The following SLC6A3 variants were observed in gnomAD, a reference collection of about 807,000 sequenced individuals.
The protein encoded by SLC6A3 is solute carrier family 6 member 3.
In SLC6A3, 19 loss-of-function variants were observed where a neutral mutation model predicts 70.4. The ratio of observed to expected loss-of-function variants is 0.27; its 90% CI spans 0.19 to 0.40. SLC6A3 has a LOEUF of 0.40. SLC6A3 is among the 10% of genes least tolerant of loss of function. The pLI is 1.00. For synonymous variants in SLC6A3, 368 were observed against 356.6 expected, an observed-to-expected ratio of 1.03 and a Z score of -0.36; for missense variants, 613 against 838.5, an observed-to-expected ratio of 0.73 and a Z score of 3.32.
In SLC6A3 at chr5:1,408,295, G is replaced by A. The variant is rs1482156910; in HGVS notation, c.1498+731C>T. Among the ~76,000 whole-genome samples the A allele has an allele frequency of 6.6e-6, 1 of 150,642 alleles. No homozygotes were observed. Among genetic ancestry groups the A allele is most frequent in the Non-Finnish European group, 1.5e-5 (1 of 67,836 alleles). On this transcript the variant is annotated intron_variant, in intron 11 of 14. Coordinates refer to ENST00000270349, the MANE Select transcript of SLC6A3 (RefSeq NM_001044.5). This position sits in a 1 kb window ranked among gnomAD's most constrained non-coding sequence, Gnocchi z 6.4. The stretch of plus-strand genomic sequence containing the variant: ...TTGATCTCGTGATCTGCCCACCTCG[G>A]CCTCCCAAAGTGCTGGGATTACAGG...
In SLC6A3 at chr5:1,437,166, G is replaced by A. The variant is rs1435891971; in HGVS notation, c.418+4193C>T. On this transcript the variant is annotated intron_variant, in intron 3 of 14. Coordinates refer to ENST00000270349, the MANE Select transcript of SLC6A3 (RefSeq NM_001044.5). The surrounding 1 kb of genome is among the most constrained non-coding windows in gnomAD (Gnocchi z 4.8). ...CTCGGGAGGCTGGGGCAGGAGAATCGCTTGAACCCGGGACGCGCAGGTGAC... is the reference window on the plus strand; with the variant it reads ...CTCGGGAGGCTGGGGCAGGAGAATCACTTGAACCCGGGACGCGCAGGTGAC... 2.0e-5 allele frequency among the ~76,000 whole-genome samples: 3 copies of A among 151,556 alleles called. No individual in the cohort carries two copies. The highest frequency in any genetic ancestry group is 7.3e-5 in the African/African-American group (3 of 41,226).
In SLC6A3 at chr5:1,414,491, T is replaced by TGGGTGGGGGGCCCCGGGAGGGG. The variant is rs1756221322; in HGVS notation, c.1156+199_1156+200insCCCCTCCCGGGGCCCCCCACCC. On this transcript the variant is annotated intron_variant, in intron 8 of 14. Transcript: ENST00000270349. ...GGCGCTGGGTGGGGGGCCTGGAGGG[T>TGGGTGGGGGGCCCCGGGAGGGG]CAGGGCGGGGAAGGCGCTGGGTGGG... Among the ~76,000 whole-genome samples, 6 of 28,856 alleles carry TGGGTGGGGGGCCCCGGGAGGGG rather than the reference T, an allele frequency of 2.1e-4. 1 individual carries two copies. Among genetic ancestry groups the TGGGTGGGGGGCCCCGGGAGGGG allele is most frequent in the South Asian group, 2.5e-3 (2 of 800 alleles). 18.9% of individuals were successfully genotyped at this position (28,856 alleles called of 152,430 possible). A position where few individuals can be genotyped will look rare whatever the true frequency, so the allele number is the denominator to read the frequency against.
chr5:1,436,727 G>A lies in SLC6A3; in HGVS notation c.419-4029C>T, dbSNP rs531514705. 3.9e-5 allele frequency among the ~76,000 whole-genome samples: 6 copies of A among 152,312 alleles called. No homozygotes were observed. The highest frequency in any genetic ancestry group is 7.2e-5 in the African/African-American group (3 of 41,572). ...TGGGGTTGCCCTTGGCAATGAAACC[G>A]AAACCTGACAAACAGAAGCTGGCTG... On this transcript the variant is annotated intron_variant, in intron 3 of 14. Coordinates refer to ENST00000270349, the MANE Select transcript of SLC6A3 (RefSeq NM_001044.5). This position sits in a 1 kb window ranked among gnomAD's most constrained non-coding sequence, Gnocchi z 5.2.
intron 1 of SLC6A3, among the ~76,000 whole-genome samples, chr5:1,444,391 CACAT>C (rs770177621): frequency 2.0e-5 from 3 of 151,524 alleles, no homozygotes; most frequent in East Asian, 3.9e-4. Flanking sequence ...CTCACAAACA[CACAT>C]ACACACTCAC....
Position 1,413,310 on chromosome 5 carries a change from T to G in SLC6A3, c.1156+1381A>C, listed in dbSNP as rs552328190. Among the ~76,000 whole-genome samples the G allele has an allele frequency of 6.6e-6, 1 of 152,320 alleles. No homozygotes were observed. The highest frequency in any genetic ancestry group is 2.1e-4 in the South Asian group (1 of 4,818). On this transcript the variant is annotated intron_variant, in intron 8 of 14. Transcript: ENST00000270349. The surrounding 1 kb of genome is among the most constrained non-coding windows in gnomAD (Gnocchi z 7.1). ...TTTTCCTAGTGGAAAGAACATGGGC[T>G]TAGGAGGCCCACCTCTGAGCTGTGG... is the stretch of plus-strand genomic sequence containing the variant.
In SLC6A3 at chr5:1,434,193, C is replaced by T. The variant is rs151006226; in HGVS notation, c.419-1495G>A. ...GACCATCCAGGGTTTCCTAGAATCA[C>T]CCAGGGCCACGTAAGACCACCAGGG... On this transcript the variant is annotated intron_variant, in intron 3 of 14. Transcript: ENST00000270349. Among the ~76,000 whole-genome samples the T allele has an allele frequency of 1.9e-3, 284 of 152,312 alleles. 2 individuals are homozygous for T. Among genetic ancestry groups the T allele is most frequent in the African/African-American group, 6.3e-3 (260 of 41,566 alleles).
At chr5:1,433,999 C>G (rs564041930) in intron 3 of SLC6A3, among the ~76,000 whole-genome samples, 1 of 152,272 alleles carries the variant, frequency 6.6e-6, no homozygotes, top group African/African-American at 2.4e-5. Context: ...CTACGGCCAC[C>G]CATGGCCATC....
chr5:1,420,808 G>T, intron 5 of SLC6A3, 105 bp from the exon 6 acceptor site: 1 of 1,230,376 alleles, frequency 8.1e-7, no homozygotes, highest in Non-Finnish European at 1.2e-6. Flanking sequence ...TCCTCTGATT[G>T]GGAGGCCCAA....
rs906195194 is a variant in SLC6A3 at position 1,401,280 on chromosome 5, C to T, written c.1768-294G>A. Reference sequence around the variant, plus strand: ...TTTGAGCACTCGCTTGAAAATAAAACGTGGTCCTGGAGATGGCTCTTGAGT... The same window carrying T: ...TTTGAGCACTCGCTTGAAAATAAAATGTGGTCCTGGAGATGGCTCTTGAGT... On this transcript the variant is annotated intron_variant, in intron 13 of 14. Transcript: ENST00000270349. This position sits in a 1 kb window ranked among gnomAD's most constrained non-coding sequence, Gnocchi z 6.1. The T allele has an allele frequency of 3.2e-6, 2 of 622,578 alleles. No homozygotes were observed. Among genetic ancestry groups the T allele is most frequent in the South Asian group, 1.5e-5 (1 of 65,998 alleles). The allele number at this position is 622,578 out of a possible 1,614,324, so 38.6% of individuals were successfully genotyped here.
Position 1,404,059 on chromosome 5 carries a change from A to G in SLC6A3, c.1600-970T>C, listed in dbSNP as rs900551438. Among the ~76,000 whole-genome samples, 1 of 152,238 alleles carries G rather than the reference A, an allele frequency of 6.6e-6. No homozygotes were observed. Among genetic ancestry groups the G allele is most frequent in the Admixed American group, 6.5e-5 (1 of 15,284 alleles). ...TGGTTTATGATGTAGCTTAAAATGC[A>G]ATTTTTTCCCAATTGTCCACTTTTC... On this transcript the variant is annotated intron_variant, in intron 12 of 14. Coordinates refer to ENST00000270349, the MANE Select transcript of SLC6A3 (RefSeq NM_001044.5). This position sits in a 1 kb window ranked among gnomAD's most constrained non-coding sequence, Gnocchi z 5.2.
chr5:1,428,652 G>A (rs567742140), intron 4 of SLC6A3, among the ~76,000 whole-genome samples: 116 of 152,310 alleles, frequency 7.6e-4, no homozygotes, highest in Non-Finnish European at 1.4e-3. Flanking sequence ...TGGGACCCCT[G>A]GGGGCCAGGG....
rs573709341 is a variant in SLC6A3 at position 1,406,062 on chromosome 5, C to T, written c.1599+126G>A. On this transcript the variant is annotated intron_variant, in intron 12 of 14. Transcript: ENST00000270349. The surrounding 1 kb of genome is among the most constrained non-coding windows in gnomAD (Gnocchi z 8.8). ...CAGGGATCAGCCTGTCCTTCTGGGC[C>T]GAGTCTTGAGGCCCCTGACTCCAGC... The T allele has an allele frequency of 6.0e-5, 45 of 745,282 alleles. 1 individual carries two copies. The highest frequency in any genetic ancestry group is 3.8e-4 in the African/African-American group (22 of 58,308). The allele number at this position is 745,282 out of a possible 1,614,324, so 46.2% of individuals were successfully genotyped here.
chr5:1,445,409 TC>T lies in SLC6A3; in HGVS notation c.-108del. 6.1e-6 allele frequency: 1 copy of T among 164,216 alleles called. No homozygotes were observed. Among genetic ancestry groups the T allele is most frequent in the Non-Finnish European group, 1.3e-5 (1 of 75,736 alleles). The allele number at this position is 164,216 out of a possible 1,614,324, so 10.2% of individuals were successfully genotyped here. Reference sequence around the variant, plus strand: ...GGCGCCGAGAGCGTTCCGCGAAGCCTCCCCTCCCGCTCCGCAGCGCTGGGCG... The same window carrying T: ...GGCGCCGAGAGCGTTCCGCGAAGCCTCCCTCCCGCTCCGCAGCGCTGGGCG... On this transcript the variant is annotated 5_prime_UTR_variant, in exon 1 of 15. Coordinates refer to ENST00000270349, the MANE Select transcript of SLC6A3 (RefSeq NM_001044.5).
At position 1,442,288 on chromosome 5, in the gene SLC6A3, C is replaced by A. The variant is rs1001623428; in HGVS notation, c.286+624G>T. Among the ~76,000 whole-genome samples, 6 of 152,176 alleles carry A rather than the reference C, an allele frequency of 3.9e-5. No individual in the cohort carries two copies. The highest frequency in any genetic ancestry group is 1.4e-4 in the African/African-American group (6 of 41,442). On this transcript the variant is annotated intron_variant, in intron 2 of 14. Coordinates refer to ENST00000270349, the MANE Select transcript of SLC6A3 (RefSeq NM_001044.5). The surrounding 1 kb of genome is among the most constrained non-coding windows in gnomAD (Gnocchi z 5.0). Reference sequence around the variant, plus strand: ...CCTCGCAGGCATCCTGTGAGGCTTCCCCCCAGATTCTTCCCCAGGCCTCCC... The same window carrying A: ...CCTCGCAGGCATCCTGTGAGGCTTCACCCCAGATTCTTCCCCAGGCCTCCC...
rs1424246042 is a variant in SLC6A3, at chr5:1,422,403, G to A, written c.654-389C>T. On this transcript the variant is annotated intron_variant, in intron 4 of 14. Coordinates refer to ENST00000270349, the MANE Select transcript of SLC6A3 (RefSeq NM_001044.5). ...CTGCCCAAGGTGCTGGGTGCCCACCGCTGCCCACGGTGCTGCCCACGCTGC... is the reference window on the plus strand; with the variant it reads ...CTGCCCAAGGTGCTGGGTGCCCACCACTGCCCACGGTGCTGCCCACGCTGC... 9.0e-3 allele frequency among the ~76,000 whole-genome samples: 1,231 copies of A among 136,298 alleles called. 67 individuals carry two copies. The highest frequency in any genetic ancestry group is 0.032 in the African/African-American group (1,082 of 33,438). The allele number at this position is 136,298 out of a possible 152,430, so 89.4% of individuals were successfully genotyped here. A position where few individuals can be genotyped will look rare whatever the true frequency, so the allele number is the denominator to read the frequency against.
chr5:1,437,691 T>C lies in SLC6A3; in HGVS notation c.418+3668A>G, dbSNP rs192773997. ...GCCCTCTGGCTTTCAAGGGTGGATC[T>C]TGGCTCCCAGTTAGGAGCAGGGAGC... is the stretch of plus-strand genomic sequence containing the variant. On this transcript the variant is annotated intron_variant, in intron 3 of 14. Coordinates refer to ENST00000270349, the MANE Select transcript of SLC6A3 (RefSeq NM_001044.5). This position sits in a 1 kb window ranked among gnomAD's most constrained non-coding sequence, Gnocchi z 4.8. Among the ~76,000 whole-genome samples, 82 of 152,324 alleles carry C rather than the reference T, an allele frequency of 5.4e-4. No individual in the cohort carries two copies. The highest frequency in any genetic ancestry group is 1.9e-3 in the African/African-American group (79 of 41,572).
chr5:1,428,754 A>G (rs1756628790), intron 4 of SLC6A3, among the ~76,000 whole-genome samples: 1 of 151,254 alleles, frequency 6.6e-6, no homozygotes, highest in East Asian at 2.0e-4. Context: ...TTCATGGCAC[A>G]TGGAGGAAGC....
chr5:1,441,683 C>T (rs528559541), intron 2 of SLC6A3, among the ~76,000 whole-genome samples, 193 bp from the exon 3 acceptor site: 3 of 152,292 alleles, frequency 2.0e-5, no homozygotes, highest in East Asian at 1.9e-4. Context: ...GTGCCTGACA[C>T]GTCCCTCCTG....
chr5:1,401,215 A>G lies in SLC6A3; in HGVS notation c.1768-229T>C, dbSNP rs1755843096. ...AGTCAGGCCCGAAGCCAACATCCTG[A>G]CGGTCCCCTTAAAGTCTAGCGCAGA... is the stretch of plus-strand genomic sequence containing the variant. On this transcript the variant is annotated intron_variant, in intron 13 of 14. Coordinates refer to ENST00000270349, the MANE Select transcript of SLC6A3 (RefSeq NM_001044.5). This position sits in a 1 kb window ranked among gnomAD's most constrained non-coding sequence, Gnocchi z 6.1. 1.4e-6 allele frequency: 1 copy of G among 696,196 alleles called. No individual in the cohort carries two copies. Among genetic ancestry groups the G allele is most frequent in the Admixed American group, 2.0e-5 (1 of 49,764 alleles). 43.1% of individuals were successfully genotyped at this position (696,196 alleles called of 1,614,324 possible). A position where few individuals can be genotyped will look rare whatever the true frequency, so the allele number is the denominator to read the frequency against.
Sources: allele counts gnomAD v4.1 joint callset (sites outside exome capture counted in the v4.1 genomes callset), GRCh38; gene constraint gnomAD v4.1.1; non-coding constraint Gnocchi (gnomAD v3.1); transcripts MANE v1.5; gene names NCBI Gene and HGNC (gene_info 2026-07-23, HGNC 2026-07-21).